The following AUTS2 variants were observed in gnomAD, a reference collection of about 807,000 sequenced individuals.
AUTS2 encodes the protein activator of transcription and developmental regulator AUTS2.
Under a neutral mutation model 112.4 loss-of-function variants are expected in AUTS2, and 17 were observed. That is an observed-to-expected ratio of 0.15 (90% CI 0.10 to 0.23). The LOEUF (loss-of-function observed/expected upper bound fraction) is 0.23. Ranked by LOEUF, AUTS2 falls within the 10% of genes least tolerant of loss-of-function variation. The pLI, the probability that AUTS2 is intolerant of heterozygous loss-of-function variation, is 1.00. For synonymous variants in AUTS2, 751 were observed against 702.7 expected, an observed-to-expected ratio of 1.07 and a Z score of -1.09; for missense variants, 1,510 against 1,701.6, an observed-to-expected ratio of 0.89 and a Z score of 1.98.
chr7:70,227,059 C>T (rs1811803583), intron 4 of AUTS2, among the ~76,000 whole-genome samples: 2 of 152,060 alleles, frequency 1.3e-5, no homozygotes, highest in South Asian at 4.1e-4. Flanking sequence ...TATAAAATCC[C>T]ATTTTTCATG....
chr7:70,600,094 T>C (rs528875623), intron 5 of AUTS2, among the ~76,000 whole-genome samples: 3 of 152,334 alleles, frequency 2.0e-5, no homozygotes, highest in South Asian at 2.1e-4. Flanking sequence ...TTTCACACGT[T>C]CTCCAAGTGA....
At chr7:70,283,976 T>A (rs769385183) in intron 4 of AUTS2, among the ~76,000 whole-genome samples, 27 of 152,186 alleles carry the variant, frequency 1.8e-4, no homozygotes, top group Admixed American at 5.2e-4. Context: ...TTTATCTAAT[T>A]GCATATTTAT....
At chr7:70,186,349 G>T (rs1809604748) in intron 4 of AUTS2, among the ~76,000 whole-genome samples, 1 of 152,042 alleles carries the variant, frequency 6.6e-6, no homozygotes, top group South Asian at 2.1e-4. Flanking sequence ...ACTTTGGGAG[G>T]ATTTGATAAA....
chr7:70,148,810 TATG>T (rs368923246), intron 4 of AUTS2, among the ~76,000 whole-genome samples: 125 of 152,148 alleles, frequency 8.2e-4, no homozygotes, highest in African/African-American at 2.7e-3. Flanking sequence ...AAGTGAAAAA[TATG>T]ATGAGAATTT....
chr7:70,016,480 G>A (rs990328386), intron 2 of AUTS2, among the ~76,000 whole-genome samples: 1 of 152,020 alleles, frequency 6.6e-6, no homozygotes, highest in African/African-American at 2.4e-5. Flanking sequence ...GGCTGCCTCT[G>A]TGGTCTAAAG....
intron 4 of AUTS2, among the ~76,000 whole-genome samples, chr7:70,222,176 AT>A (rs1201561347): frequency 6.6e-6 from 1 of 152,244 alleles, no homozygotes; most frequent in Admixed American, 6.5e-5. Context: ...TTTAATTAAA[AT>A]CTTTGCAGTA....
intron 5 of AUTS2, among the ~76,000 whole-genome samples, chr7:70,482,738 G>T (rs1797838827): frequency 6.6e-6 from 1 of 152,164 alleles, no homozygotes; most frequent in Admixed American, 6.5e-5. Flanking sequence ...CTTCATGCTT[G>T]AAAGTGGGCT....
At chr7:69,868,300 C>T (rs775384780) in intron 1 of AUTS2, among the ~76,000 whole-genome samples, 10 of 152,092 alleles carry the variant, frequency 6.6e-5, no homozygotes, top group Non-Finnish European at 1.0e-4. Flanking sequence ...TTAGTGCAAG[C>T]GGTAGACCAT....
intron 1 of AUTS2, among the ~76,000 whole-genome samples, chr7:69,802,267 T>C (rs1172625632): frequency 1.3e-5 from 2 of 152,222 alleles, no homozygotes; most frequent in Non-Finnish European, 2.9e-5. Flanking sequence ...AAAGCCTGTC[T>C]TTTCCTTTTC....
chr7:70,124,874 C>T (rs1805881090), intron 3 of AUTS2, among the ~76,000 whole-genome samples: 1 of 152,190 alleles, frequency 6.6e-6, no homozygotes, highest in Non-Finnish European at 1.5e-5. Context: ...CTTCAGTCTT[C>T]TTTAATGCCT....
At chr7:69,756,837 C>T (rs916007821) in intron 1 of AUTS2, among the ~76,000 whole-genome samples, 3 of 152,096 alleles carry the variant, frequency 2.0e-5, no homozygotes, top group African/African-American at 7.2e-5. Flanking sequence ...GTGCGTGGAA[C>T]ATTGGGGCAT....
intron 1 of AUTS2, among the ~76,000 whole-genome samples, chr7:69,858,640 G>A (rs1029859170): frequency 6.6e-6 from 1 of 152,190 alleles, no homozygotes; most frequent in Non-Finnish European, 1.5e-5. Context: ...TCTGTCCCAT[G>A]TGATGCTTTG....
At chr7:70,721,426 G>T (rs1428481598) in intron 6 of AUTS2, among the ~76,000 whole-genome samples, 1 of 152,030 alleles carries the variant, frequency 6.6e-6, no homozygotes, top group Non-Finnish European at 1.5e-5. Context: ...AGCCTCCCGA[G>T]TAGCTGGGAT....
At chr7:70,299,411 T>C (rs1789098249) in intron 4 of AUTS2, among the ~76,000 whole-genome samples, 2 of 152,218 alleles carry the variant, frequency 1.3e-5, no homozygotes, top group African/African-American at 4.8e-5. Flanking sequence ...GGTCGGATAT[T>C]CATGTGTTGT....
intron 5 of AUTS2, among the ~76,000 whole-genome samples, chr7:70,585,936 C>T (rs555581452): frequency 1.3e-5 from 2 of 152,148 alleles, no homozygotes; most frequent in Admixed American, 6.5e-5. Flanking sequence ...GATCTCGGCT[C>T]ACTGCAACCT....
At chr7:70,592,133 T>G (rs987083726) in intron 5 of AUTS2, among the ~76,000 whole-genome samples, 1 of 152,238 alleles carries the variant, frequency 6.6e-6, no homozygotes. Context: ...GAAAAAATAT[T>G]CATATTTGCC....
chr7:70,293,090 T>G (rs543384008), intron 4 of AUTS2: 2 of 152,332 alleles, frequency 1.3e-5, no homozygotes, highest in East Asian at 3.9e-4. Flanking sequence ...GATGGTCCCT[T>G]CCCCGTACTT....
At chr7:70,405,060 C>A (rs1794475787) in intron 4 of AUTS2, among the ~76,000 whole-genome samples, 1 of 152,140 alleles carries the variant, frequency 6.6e-6, no homozygotes, top group Non-Finnish European at 1.5e-5. Flanking sequence ...TAAGCTCCCT[C>A]CTACCTATAG....
At chr7:70,330,602 G>A (rs1378243780) in intron 4 of AUTS2, among the ~76,000 whole-genome samples, 1 of 152,222 alleles carries the variant, frequency 6.6e-6, no homozygotes, top group East Asian at 1.9e-4. Context: ...CTATTTTGGC[G>A]ATTGAGGGTC....
Sources: gnomAD v4.1 joint callset for allele counts (sites outside exome capture counted in the v4.1 genomes callset) on GRCh38, gnomAD v4.1.1 for gene constraint, MANE v1.5 for transcripts, NCBI Gene and HGNC (gene_info 2026-07-23, HGNC 2026-07-21) for gene names.